The following HYCC1 variants were observed in gnomAD, a reference collection of about 807,000 sequenced individuals.
The protein encoded by HYCC1 is hyccin.
At chr7:23,013,819 G>A in the HYCC1 span, 5 of 407,380 alleles carry the variant, frequency 1.2e-5, no homozygotes, top group Non-Finnish European at 2.0e-5. Context: ...ACAAAGTCCC[G>A]GTCCTGTCCT....
the HYCC1 span, chr7:22,937,794 T>C: frequency 6.6e-6 from 1 of 152,174 alleles, no homozygotes; most frequent in Non-Finnish European, 1.5e-5. Flanking sequence ...CACAATGTGA[T>C]GTGGATTATA....
chr7:22,967,390 A>C, the HYCC1 span, among the ~76,000 whole-genome samples: 1 of 152,222 alleles, frequency 6.6e-6, no homozygotes, highest in Non-Finnish European at 1.5e-5. Context: ...AGGTGGGATG[A>C]AACAGCATGA....
the HYCC1 span, among the ~76,000 whole-genome samples, chr7:22,976,051 A>T: frequency 1.6e-3 from 237 of 152,328 alleles, 1 homozygote; most frequent in Admixed American, 3.3e-3. Context: ...TATCAATTAT[A>T]GGGAACTTTC....
chr7:22,898,734 C>A, the HYCC1 span, among the ~76,000 whole-genome samples: 1 of 151,580 alleles, frequency 6.6e-6, no homozygotes, highest in African/African-American at 2.4e-5. Context: ...TCCCAAGTAG[C>A]TGGGACTACA....
the HYCC1 span, among the ~76,000 whole-genome samples, chr7:23,005,086 A>G: frequency 2.6e-5 from 4 of 152,196 alleles, no homozygotes; most frequent in African/African-American, 9.7e-5. Flanking sequence ...ATTAAAGGTG[A>G]AAGCCACGGC....
the HYCC1 span, among the ~76,000 whole-genome samples, chr7:22,908,552 G>A: frequency 3.9e-5 from 6 of 152,168 alleles, no homozygotes; most frequent in African/African-American, 1.4e-4. Flanking sequence ...TACATCTTCT[G>A]TTACTTGCAT....
chr7:22,954,848 T>A, the HYCC1 span, among the ~76,000 whole-genome samples: 1 of 151,574 alleles, frequency 6.6e-6, no homozygotes, highest in Non-Finnish European at 1.5e-5. Context: ...CCATTTAACA[T>A]CTGCCAGGAC....
the HYCC1 span, among the ~76,000 whole-genome samples, chr7:22,896,674 G>C: frequency 6.6e-6 from 1 of 152,094 alleles, no homozygotes; most frequent in Non-Finnish European, 1.5e-5. Context: ...GAGGAGAAAG[G>C]CCTTTCTCTC....
At chr7:22,930,393 G>GA in the HYCC1 span, among the ~76,000 whole-genome samples, 1,046 of 101,068 alleles carry the variant, frequency 0.01, 15 homozygotes, top group African/African-American at 0.029. Context: ...AAAAGAAAAA[G>GA]AAAAAAAAAA....
the HYCC1 span, among the ~76,000 whole-genome samples, chr7:22,968,881 G>A: frequency 4.6e-5 from 7 of 152,210 alleles, no homozygotes; most frequent in South Asian, 1.5e-3. Flanking sequence ...AGCTACTCAC[G>A]AGGCTGAGGC....
the HYCC1 span, among the ~76,000 whole-genome samples, chr7:22,919,721 C>T: frequency 3.6e-4 from 55 of 151,460 alleles, no homozygotes; most frequent in African/African-American, 1.2e-3. Context: ...AATCAACAAA[C>T]TTAAGATAGA....
the HYCC1 span, among the ~76,000 whole-genome samples, chr7:23,002,411 C>G: frequency 6.6e-6 from 1 of 151,802 alleles, no homozygotes; most frequent in African/African-American, 2.4e-5. Flanking sequence ...TTAGTCTTCC[C>G]CTTCCATTTT....
At chr7:22,949,410 C>A in the HYCC1 span, among the ~76,000 whole-genome samples, 6 of 152,006 alleles carry the variant, frequency 3.9e-5, no homozygotes, top group African/African-American at 1.2e-4. Flanking sequence ...ACTCTTCATT[C>A]GAGTCCGTTT....
At chr7:22,932,328 A>G in the HYCC1 span, among the ~76,000 whole-genome samples, 3 of 152,160 alleles carry the variant, frequency 2.0e-5, no homozygotes, top group African/African-American at 7.2e-5. Context: ...GGACTGAGCC[A>G]TGGATGCAGT....
At chr7:22,999,156 A>C in the HYCC1 span, among the ~76,000 whole-genome samples, 1 of 152,214 alleles carries the variant, frequency 6.6e-6, no homozygotes, top group African/African-American at 2.4e-5. Flanking sequence ...TCTTATTAGA[A>C]TGTTATAAGA....
chr7:22,994,186 A>G, the HYCC1 span, among the ~76,000 whole-genome samples: 2 of 152,192 alleles, frequency 1.3e-5, no homozygotes, highest in African/African-American at 2.4e-5. Flanking sequence ...GAAACAAACC[A>G]AATGTCCATC....
chr7:22,961,982 A>T, the HYCC1 span, among the ~76,000 whole-genome samples: 34 of 152,186 alleles, frequency 2.2e-4, no homozygotes, highest in Non-Finnish European at 4.3e-4. Context: ...TCAACTTCCA[A>T]CAAAATAAAG....
At chr7:22,998,208 C>T in the HYCC1 span, among the ~76,000 whole-genome samples, 3 of 152,264 alleles carry the variant, frequency 2.0e-5, no homozygotes, top group Admixed American at 2.0e-4. Flanking sequence ...ACCATGTTGA[C>T]CAAAAGAATG....
the HYCC1 span, chr7:23,013,930 C>A: frequency 2.1e-6 from 1 of 469,704 alleles, no homozygotes; most frequent in Non-Finnish European, 4.4e-6. Flanking sequence ...CTCACCAGGG[C>A]GGCTGCCGGA....
Sources: gnomAD v4.1 joint callset for allele counts (sites outside exome capture counted in the v4.1 genomes callset) on GRCh38, gnomAD v4.1.1 for gene constraint, MANE v1.5 for transcripts, NCBI Gene and HGNC (gene_info 2026-07-23, HGNC 2026-07-21) for gene names.